The following CRYBG2 variants were observed in gnomAD, a reference collection of about 807,000 sequenced individuals.
CRYBG2 encodes beta/gamma crystallin domain-containing protein 2.
Under a neutral mutation model 153.4 loss-of-function variants are expected in CRYBG2, and 106 were observed. That is an observed-to-expected ratio of 0.69 (90% CI 0.59 to 0.81). The LOEUF is 0.81. Among genes scored for constraint, CRYBG2 ranks in the 30% least tolerant of loss-of-function variants. The pLI, the probability that CRYBG2 is intolerant of heterozygous loss-of-function variation, is 0.00. For missense variants in CRYBG2, 1,996 were observed against 2,112.0 expected (o/e 0.95, Z 1.08); for synonymous variants, 851 against 877.8 (o/e 0.97, Z 0.54).
Position 26,337,291 on chromosome 1 carries a change from A to T in CRYBG2, c.3733T>A (p.Tyr1245Asn), listed in dbSNP as rs891872073. 1.2e-6 allele frequency: 2 copies of T among 1,613,880 alleles called. No individual in the cohort carries two copies. Among genetic ancestry groups the T allele is most frequent in the African/African-American group, 2.7e-5 (2 of 74,868 alleles). Residue 1245 changes from tyrosine (Y) to asparagine (N), a missense_variant, in exon 10 of 20, where the codon TAT becomes AAT. By Grantham distance (143) the Tyr-to-Asn change is moderately radical. Transcript: ENST00000308182. ...CGGAGGGAGGTCAGCAACTCGTCAT[A>T]GCCTCCCCAGTGTGACCAGTCTGGG... ...EYPDWSHWGGYDELLTSLRVI... is the reference protein window; with the variant it reads ...EYPDWSHWGGNDELLTSLRVI...
At chr1:26,337,100 G>A (rs2074070144) in intron 10 of CRYBG2, 120 bp from the exon 11 acceptor site, 6 of 1,555,048 alleles carry the variant, frequency 3.9e-6, no homozygotes, top group South Asian at 1.2e-5. Flanking sequence ...GTACGACCTG[G>A]AGAAGAGCAG....
chr1:26,337,219 G>T (rs1244649183), intron 10 of CRYBG2, 34 bp downstream of exon 10: 1 of 1,612,766 alleles, frequency 6.2e-7, no homozygotes. Flanking sequence ...GCTGTGGCCA[G>T]AGGCAGAGGG....
At chr1:26,328,662 C>A in intron 16 of CRYBG2, 72 bp downstream of exon 16, 1 of 1,533,246 alleles carries the variant, frequency 6.5e-7, no homozygotes, top group South Asian at 1.2e-5. Flanking sequence ...CCAGAGACCC[C>A]CAGGATCTCT....
chr1:26,333,249 A>G (rs2074019892), intron 14 of CRYBG2, among the ~76,000 whole-genome samples: 1 of 152,068 alleles, frequency 6.6e-6, no homozygotes. Flanking sequence ...GTGAGACCCC[A>G]TGATGGGATT....
intron 15 of CRYBG2, among the ~76,000 whole-genome samples, chr1:26,330,103 CATG>C (rs1338972319): frequency 1.3e-5 from 2 of 152,230 alleles, no homozygotes; most frequent in South Asian, 2.1e-4. Flanking sequence ...TTTTCATCTT[CATG>C]ATAACAATAA....
chr1:26,326,496 C>T (rs141477859), intron 17 of CRYBG2, among the ~76,000 whole-genome samples: 1 of 151,304 alleles, frequency 6.6e-6, no homozygotes, highest in East Asian at 1.9e-4. Context: ...CGAGATCATG[C>T]CACTGCACTC....
rs1200061535 is a variant in CRYBG2, at chr1:26,344,332, G to A, written c.2326C>T (p.Pro776Ser). The change falls in exon 2 of 20, where the codon CCC (proline) becomes TCC (serine). Residue 776 changes from proline (P) to serine (S), a missense_variant. Coordinates refer to ENST00000308182, the MANE Select transcript of CRYBG2 (RefSeq NM_001039775.4). Reference protein sequence around the residue: ...IFLDTLRSMEPPEILRTHRLP... With the variant: ...IFLDTLRSMESPEILRTHRLP... ...CGGTGAGTGCGGAGGATCTCAGGGGGCTCCATGCTCCGCAGCGTATCCAGG... is the reference window on the plus strand; with the variant it reads ...CGGTGAGTGCGGAGGATCTCAGGGGACTCCATGCTCCGCAGCGTATCCAGG... 1.1e-5 allele frequency: 16 copies of A among 1,501,806 alleles called. No homozygotes were observed. Among genetic ancestry groups the A allele is most frequent in the Admixed American group, 6.7e-5 (3 of 44,454 alleles). 93.0% of individuals were successfully genotyped at this position (1,501,806 alleles called of 1,614,324 possible).
Position 26,346,107 on chromosome 1 carries a change from A to C in CRYBG2, c.551T>G (p.Val184Gly). 6.4e-7 allele frequency: 1 copy of C among 1,570,822 alleles called. No homozygotes were observed. The change falls in exon 2 of 20, where the codon GTG (valine) becomes GGG (glycine). Residue 184 changes from valine to glycine, a missense_variant. Val to Gly is a moderately radical substitution (Grantham distance 109). Coordinates refer to ENST00000308182, the MANE Select transcript of CRYBG2 (RefSeq NM_001039775.4). This position sits in a 1 kb window ranked among gnomAD's most constrained non-coding sequence, Gnocchi z 4.9. ...CATCCGCCGGTCCACATGACCTCCC[A>C]CCACTGTGGTGGTCCGCACAGTGCG... ...VTRTVRTTTVVGGHVDRRMSS... is the reference protein window; with the variant it reads ...VTRTVRTTTVGGGHVDRRMSS...
chr1:26,343,736 C>T lies in CRYBG2; in HGVS notation c.2913+9G>A. The T allele has an allele frequency of 6.9e-7, 1 of 1,444,778 alleles. No homozygotes were observed. 89.5% of individuals were successfully genotyped at this position (1,444,778 alleles called of 1,614,324 possible). A position where few individuals can be genotyped will look rare whatever the true frequency, so the allele number is the denominator to read the frequency against. On this transcript the variant is annotated intron_variant, in intron 2 of 19. Coordinates refer to ENST00000308182, the MANE Select transcript of CRYBG2 (RefSeq NM_001039775.4). This position sits in a 1 kb window ranked among gnomAD's most constrained non-coding sequence, Gnocchi z 4.1. Reference sequence around the variant, plus strand: ...GGCACCTCCCTTGCCCACCCGAGGCCTCACTTACCCACCCCTCCAGGGGCA... The same window carrying T: ...GGCACCTCCCTTGCCCACCCGAGGCTTCACTTACCCACCCCTCCAGGGGCA...
intron 8 of CRYBG2, 41 bp from the exon 9 acceptor site, chr1:26,337,715 A>T (rs776814127): frequency 1.2e-6 from 2 of 1,600,384 alleles, no homozygotes; most frequent in Non-Finnish European, 1.7e-6. Flanking sequence ...GGACCCAAAC[A>T]CACCCAGCCA....
At chr1:26,333,044 A>AAAAAAAAAAAAAAAAC (rs1557707001) in intron 14 of CRYBG2, among the ~76,000 whole-genome samples, 1 of 138,166 alleles carries the variant, frequency 7.2e-6, no homozygotes, top group Non-Finnish European at 1.5e-5. Flanking sequence ...AAAAAAAAAA[A>AAAAAAAAAAAAAAAAC]AAGATTTCTA....
chr1:26,328,487 G>T, intron 16 of CRYBG2, 155 bp from the exon 17 acceptor site: 2 of 1,240,970 alleles, frequency 1.6e-6, no homozygotes, highest in Non-Finnish European at 1.1e-6. Context: ...AGGGCGGAGA[G>T]GGAGGCTGGG....
chr1:26,346,280 T>C lies in CRYBG2; in HGVS notation c.378A>G (p.Gln126=). 6.3e-7 allele frequency: 1 copy of C among 1,594,940 alleles called. No individual in the cohort carries two copies. ...CACATGGGGGCTCAGTCCTGGGAGC[T>C]TGGCGGCTGCCATCACTCTGGTCCA... is the stretch of plus-strand genomic sequence containing the variant. ...EAVDQSDGSR[Q]APRTEPPCVG... The change falls in exon 2 of 20, where the codon CAA becomes CAG. Residue 126 remains glutamine (Q), a synonymous_variant. Transcript: ENST00000308182. The surrounding 1 kb of genome is among the most constrained non-coding windows in gnomAD (Gnocchi z 4.9).
chr1:26,353,408 C>A (rs1041254995), intron 1 of CRYBG2, among the ~76,000 whole-genome samples: 1 of 152,110 alleles, frequency 6.6e-6, no homozygotes, highest in Non-Finnish European at 1.5e-5. Context: ...TCCACCTCTG[C>A]GCCCCCCAGG....
At position 26,321,945 on chromosome 1, in the gene CRYBG2, G is replaced by A. The variant is rs2073861087; in HGVS notation, c.*23C>T. 1 of 1,528,380 alleles carries A rather than the reference G, an allele frequency of 6.5e-7. No individual in the cohort carries two copies. Among genetic ancestry groups the A allele is most frequent in the East Asian group, 2.4e-5 (1 of 41,594 alleles). The allele number at this position is 1,528,380 out of a possible 1,614,324, so 94.7% of individuals were successfully genotyped here. A position where few individuals can be genotyped will look rare whatever the true frequency, so the allele number is the denominator to read the frequency against. ...ATTCATCCCAGCAAAAGCCTCCAGG[G>A]CTGGAGGGTGAGGGGAAAAGTTTCA... On this transcript the variant is annotated 3_prime_UTR_variant, in exon 20 of 20. Coordinates refer to ENST00000308182, the MANE Select transcript of CRYBG2 (RefSeq NM_001039775.4).
chr1:26,348,688 TGGGATTACA>T (rs1406392595), intron 1 of CRYBG2, among the ~76,000 whole-genome samples: 3 of 152,080 alleles, frequency 2.0e-5, no homozygotes, highest in African/African-American at 7.2e-5. Flanking sequence ...CCCGAGTAGC[TGGGATTACA>T]GGCATGTGCC....
chr1:26,343,999 G>C lies in CRYBG2; in HGVS notation c.2659C>G (p.His887Asp). The change falls in exon 2 of 20, where the codon CAC becomes GAC. Residue 887 changes from histidine (H) to aspartate (D), a missense_variant. His to Asp is a moderately conservative substitution (Grantham distance 81). Coordinates refer to ENST00000308182, the MANE Select transcript of CRYBG2 (RefSeq NM_001039775.4). The surrounding 1 kb of genome is among the most constrained non-coding windows in gnomAD (Gnocchi z 4.1). ...TGCAGTTCCAATCCCAGCTCTGAGT[G>C]GGGGCCCTTGGTTCCTGCTACATGC... Reference protein sequence around the residue: ...KKHVAGTKGPHSELGLELQGG... With the variant: ...KKHVAGTKGPDSELGLELQGG... The C allele has an allele frequency of 2.0e-6, 3 of 1,536,364 alleles. No individual in the cohort carries two copies. Among genetic ancestry groups the C allele is most frequent in the Non-Finnish European group, 2.6e-6 (3 of 1,146,904 alleles).
intron 14 of CRYBG2, among the ~76,000 whole-genome samples, chr1:26,332,494 T>TTTGTTG (rs1008042130): frequency 6.6e-6 from 1 of 151,964 alleles, no homozygotes; most frequent in African/African-American, 2.4e-5. Flanking sequence ...ATTCACACTT[T>TTTGTTG]TTGTTGTTGT....
Position 26,344,199 on chromosome 1 carries a change from A to C in CRYBG2, c.2459T>G (p.Val820Gly). 2.0e-6 allele frequency: 3 copies of C among 1,535,228 alleles called. No individual in the cohort carries two copies. The highest frequency in any genetic ancestry group is 2.6e-6 in the Non-Finnish European group (3 of 1,146,492). ...PWVLGPGPQEVPSLEEKEEEE... is the reference protein window; with the variant it reads ...PWVLGPGPQEGPSLEEKEEEE... ...CTCCTCTTTCTCTTCCAGTGAAGGC[A>C]CCTCCTGGGGTCCGGGGCCCAGCAC... Residue 820 changes from valine (V) to glycine (G), a missense_variant, in exon 2 of 20, where the codon GTG (valine) becomes GGG (glycine). Val to Gly is a moderately radical substitution (Grantham distance 109). Transcript: ENST00000308182.
Sources: allele counts gnomAD v4.1 joint callset (sites outside exome capture counted in the v4.1 genomes callset), GRCh38; gene constraint gnomAD v4.1.1; non-coding constraint Gnocchi (gnomAD v3.1); transcripts MANE v1.5; gene names NCBI Gene and HGNC (gene_info 2026-07-23, HGNC 2026-07-21).